PNPT1: variants seen among roughly 807,000 people sequenced by gnomAD.
PNPT1 encodes the protein polyribonucleotide nucleotidyltransferase 1, mitochondrial.
A neutral mutation model predicts 119.5 loss-of-function variants in PNPT1; 53 were observed. The ratio of observed to expected loss-of-function variants is 0.44; its 90% CI spans 0.36 to 0.56. The LOEUF is 0.56. PNPT1 is among the 20% of genes least tolerant of loss of function. The pLI is 0.00. For synonymous variants in PNPT1, 357 were observed against 322.1 expected, an observed-to-expected ratio of 1.11 and a Z score of -1.16; for missense variants, 948 against 938.5, an observed-to-expected ratio of 1.01 and a Z score of -0.13.
intron 5 of PNPT1, among the ~76,000 whole-genome samples, chr2:55,683,476 G>C (rs1345939737): frequency 6.6e-6 from 1 of 152,016 alleles, no homozygotes; most frequent in African/African-American, 2.4e-5. Flanking sequence ...AGTCGGGCAT[G>C]GTGGTGCGTG....
intron 8 of PNPT1, among the ~76,000 whole-genome samples, chr2:55,673,471 C>CA (rs1048047844): frequency 1.4e-4 from 20 of 145,650 alleles, no homozygotes; most frequent in Non-Finnish European, 2.8e-4. Flanking sequence ...TTTTTTGAGA[C>CA]AGAGTCTCAC....
At chr2:55,665,210 G>C (rs2104101762) in intron 13 of PNPT1, among the ~76,000 whole-genome samples, 1 of 152,248 alleles carries the variant, frequency 6.6e-6, no homozygotes, top group African/African-American at 2.4e-5. Context: ...TAAAGTATTA[G>C]TAAATAATGT....
chr2:55,660,293 T>C (rs1382595882), intron 14 of PNPT1, 100 bp from the exon 15 acceptor site: 1 of 1,231,020 alleles, frequency 8.1e-7, no homozygotes, highest in East Asian at 2.7e-5. Context: ...ACAAAAGAAC[T>C]AGGTGTTAAT....
intron 18 of PNPT1, among the ~76,000 whole-genome samples, chr2:55,651,789 A>T (rs782565): frequency 1.1e-3 from 101 of 87,914 alleles, no homozygotes; most frequent in Non-Finnish European, 1.6e-3. Flanking sequence ...AAAAAAAAAA[A>T]TTAAAAAAAA....
intron 3 of PNPT1, among the ~76,000 whole-genome samples, 170 bp downstream of exon 3, chr2:55,686,200 G>A (rs891274649): frequency 6.6e-6 from 1 of 152,180 alleles, no homozygotes; most frequent in Admixed American, 6.5e-5. Context: ...CCTAGTATTT[G>A]TTTATGAAGC....
chr2:55,692,075 G>T (rs1421898987), intron 1 of PNPT1, among the ~76,000 whole-genome samples: 1 of 151,480 alleles, frequency 6.6e-6, no homozygotes, highest in Non-Finnish European at 1.5e-5. Context: ...AGTAAAGACG[G>T]GGTTTCACCA....
chr2:55,665,258 C>T (rs958420139), intron 13 of PNPT1, among the ~76,000 whole-genome samples: 5 of 152,032 alleles, frequency 3.3e-5, no homozygotes, highest in South Asian at 2.1e-4. Context: ...TTTCATACAA[C>T]GTGTAGGAAT....
intron 2 of PNPT1, among the ~76,000 whole-genome samples, chr2:55,686,882 C>A (rs1003591836): frequency 2.8e-4 from 43 of 152,262 alleles, no homozygotes; most frequent in African/African-American, 9.1e-4. Flanking sequence ...GTAATTGCAG[C>A]ACTTTGCGGG....
Position 55,688,358 on chromosome 2 carries a change from C to A in PNPT1, c.162-653G>T, listed in dbSNP as rs116085763. On this transcript the variant is annotated intron_variant, in intron 1 of 27. Transcript: ENST00000447944. ...CCTGGCTCCATTTACCATCTTAGTA[C>A]AGTCTCTTATCATCTCTCACCTTGT... 1.8e-4 allele frequency among the ~76,000 whole-genome samples: 28 copies of A among 152,144 alleles called. 1 individual carries two copies. Among genetic ancestry groups the A allele is most frequent in the African/African-American group, 5.3e-4 (22 of 41,528 alleles).
In PNPT1 at chr2:55,680,715, C is replaced by T; in HGVS notation, c.562G>A (p.Val188Ile). The T allele has an allele frequency of 1.9e-6, 3 of 1,610,778 alleles. No homozygotes were observed. In the South Asian group the frequency reaches 3.3e-5, roughly 18 times the overall value. Reference protein sequence around the residue: ...SLSDIPWNGPVGAVRIGIIDG... With the variant: ...SLSDIPWNGPIGAVRIGIIDG... Reference sequence around the variant, plus strand: ...TTACTTTTAAATCCTAACTTACCAACAGGTCCATTCCAAGGAATATCTGAT... The same window carrying T: ...TTACTTTTAAATCCTAACTTACCAATAGGTCCATTCCAAGGAATATCTGAT... Residue 188 changes from valine (V) to isoleucine (I), a missense_variant, in exon 7 of 28, where the codon GTT (valine) becomes ATT (isoleucine). Val to Ile is a conservative substitution (Grantham distance 29). Transcript: ENST00000447944.
At chr2:55,651,334 G>T (rs1182699520) in intron 18 of PNPT1, among the ~76,000 whole-genome samples, 2 of 151,982 alleles carry the variant, frequency 1.3e-5, no homozygotes, top group Non-Finnish European at 2.9e-5. Flanking sequence ...GAATAGAAAG[G>T]GGGGAAAGGT....
intron 19 of PNPT1, 65 bp from the exon 20 acceptor site, chr2:55,646,551 A>G: frequency 7.4e-7 from 1 of 1,344,332 alleles, no homozygotes; most frequent in Non-Finnish European, 1.0e-6. Flanking sequence ...TATTCACTGT[A>G]GAAACATTTC....
chr2:55,653,426 G>T lies in PNPT1; in HGVS notation c.1495+1474C>A, dbSNP rs775275068. Among the ~76,000 whole-genome samples the T allele has an allele frequency of 4.0e-4, 61 of 152,210 alleles. 1 individual carries two copies. Among genetic ancestry groups the T allele is most frequent in the East Asian group, 1.2e-3 (6 of 5,178 alleles). On this transcript the variant is annotated intron_variant, in intron 18 of 27. Transcript: ENST00000447944. ...AATTCATTTAAAAATGGCAGGTAAA[G>T]ACTCCCCTATGATGTCATCTTTTAT...
intron 8 of PNPT1, among the ~76,000 whole-genome samples, chr2:55,674,589 T>C (rs1697009026): frequency 6.6e-6 from 1 of 152,104 alleles, no homozygotes; most frequent in Admixed American, 6.5e-5. Flanking sequence ...TGAGGCTCCA[T>C]CTCAAAAAAA....
chr2:55,645,226 G>A (rs181788037), intron 22 of PNPT1, 123 bp downstream of exon 22: 69 of 578,068 alleles, frequency 1.2e-4, no homozygotes, highest in East Asian at 7.2e-4. Context: ...GGGTTTCACC[G>A]TGTTAGCCAG....
chr2:55,643,501 C>A, intron 23 of PNPT1, 76 bp from the exon 24 acceptor site: 1 of 1,272,988 alleles, frequency 7.9e-7, no homozygotes, highest in Non-Finnish European at 1.1e-6. Context: ...TCCCAGCACT[C>A]TGGGGGGCTG....
rs757553716 is a variant in PNPT1 at position 55,684,934 on chromosome 2, A to G, written c.403+9T>C. The stretch of plus-strand genomic sequence containing the variant: ...AGAGAAGATGAACGCCTCTATGTTA[A>G]TATCTTACCTATTATTCGACTTGTT... On this transcript the variant is annotated intron_variant, in intron 4 of 27. Coordinates refer to ENST00000447944, the MANE Select transcript of PNPT1 (RefSeq NM_033109.5). 2 of 1,555,488 alleles carry G rather than the reference A, an allele frequency of 1.3e-6. No homozygotes were observed. Among genetic ancestry groups the G allele is most frequent in the South Asian group, 1.2e-5 (1 of 84,272 alleles).
chr2:55,687,271 C>G (rs780847302), intron 2 of PNPT1, among the ~76,000 whole-genome samples: 4 of 149,784 alleles, frequency 2.7e-5, no homozygotes, highest in African/African-American at 9.8e-5. Flanking sequence ...GAAACCCCGT[C>G]TCTACTAAAA....
At chr2:55,669,676 C>A (rs1212236739) in intron 11 of PNPT1, among the ~76,000 whole-genome samples, 1 of 151,806 alleles carries the variant, frequency 6.6e-6, no homozygotes, top group Non-Finnish European at 1.5e-5. Context: ...TTCTTTCTTA[C>A]CAAATAGGAT....
Sources: gnomAD v4.1 joint callset for allele counts (sites outside exome capture counted in the v4.1 genomes callset) on GRCh38, gnomAD v4.1.1 for gene constraint, MANE v1.5 for transcripts, NCBI Gene and HGNC (gene_info 2026-07-23, HGNC 2026-07-21) for gene names.